The following OTOP1 variants were observed in gnomAD, a reference collection of about 807,000 sequenced individuals.
OTOP1 encodes the protein proton channel OTOP1.
Under a neutral mutation model 52.9 loss-of-function variants are expected in OTOP1, and 59 were observed. The ratio of observed to expected loss-of-function variants is 1.12; its 90% confidence interval spans 0.91 to 1.39. The LOEUF (loss-of-function observed/expected upper bound fraction) is 1.39. OTOP1 is among the 40% of genes most tolerant of loss of function. The pLI, the probability that OTOP1 is intolerant of heterozygous loss-of-function variation, is 0.00. For synonymous variants in OTOP1, 317 were observed against 337.7 expected (o/e 0.94, Z 0.67); for missense variants, 761 against 800.9 (o/e 0.95, Z 0.60).
intron 4 of OTOP1, among the ~76,000 whole-genome samples, chr4:4,198,612 C>T (rs1016416450): frequency 6.6e-6 from 1 of 152,090 alleles, no homozygotes; most frequent in African/African-American, 2.4e-5. Context: ...AGAAAATGCC[C>T]CTTTTAATTA....
chr4:4,219,877 G>C (rs1400126389), intron 1 of OTOP1, among the ~76,000 whole-genome samples: 1 of 142,052 alleles, frequency 7.0e-6, no homozygotes, highest in Non-Finnish European at 1.5e-5. Context: ...ATACATATAT[G>C]TATATATACA....
intron 5 of OTOP1, among the ~76,000 whole-genome samples, chr4:4,191,933 G>A (rs1716517986): frequency 1.3e-5 from 2 of 152,138 alleles, no homozygotes; most frequent in African/African-American, 2.4e-5. Flanking sequence ...AGACAGGGAG[G>A]AAAAATGAGA....
In OTOP1 at chr4:4,198,057, C is replaced by T. The variant is rs776664814; in HGVS notation, c.777G>A (p.Leu259=). The T allele has an allele frequency of 1.1e-5, 17 of 1,613,968 alleles. No homozygotes were observed. Among genetic ancestry groups the T allele is most frequent in the East Asian group, 8.9e-5 (4 of 44,888 alleles). The change falls in exon 5 of 6, where the codon CTG becomes CTA. Residue 259 remains leucine (L), a synonymous_variant. Coordinates refer to ENST00000296358, the MANE Select transcript of OTOP1 (RefSeq NM_177998.3). ...AGATCCCGTGGGAGATGGCAGTGCA[C>T]AGAGTTGGGGGCGTGCAGTTACACT... ...TPQCNCTPPT[L]CTAISHGIYY...
rs566782000 is a variant in OTOP1 at position 4,197,708 on chromosome 4, C to T, written c.1126G>A (p.Glu376Lys). 3.1e-6 allele frequency: 5 copies of T among 1,613,684 alleles called. No individual in the cohort carries two copies. The highest frequency in any genetic ancestry group is 1.7e-4 in the Middle Eastern group (1 of 6,038). Residue 376 changes from glutamate (E) to lysine (K), a missense_variant, in exon 5 of 6, where the codon GAG becomes AAG. Coordinates refer to ENST00000296358, the MANE Select transcript of OTOP1 (RefSeq NM_177998.3). ...TTTTTGGACTCATCCAGTGACTTCT[C>T]GTCTATCCTGTAAATCCGGATTCCA... ...LAGIRIYRID[E>K]KSLDESKNPA...
intron 5 of OTOP1, among the ~76,000 whole-genome samples, chr4:4,195,281 T>C (rs1328308288): frequency 1.3e-5 from 2 of 152,232 alleles, no homozygotes; most frequent in Non-Finnish European, 2.9e-5. Context: ...TCACATATTG[T>C]GTACCTCTGC....
At chr4:4,223,518 A>G (rs988477615) in intron 1 of OTOP1, among the ~76,000 whole-genome samples, 11 of 152,222 alleles carry the variant, frequency 7.2e-5, no homozygotes, top group African/African-American at 2.7e-4. Flanking sequence ...GCACTTCAAC[A>G]TAAGGAAGAG....
At chr4:4,190,846 G>A (rs1338223854) in intron 5 of OTOP1, among the ~76,000 whole-genome samples, 2 of 152,054 alleles carry the variant, frequency 1.3e-5, no homozygotes, top group Non-Finnish European at 2.9e-5. Flanking sequence ...TTCATCCTTT[G>A]CTGTGCCTCT....
chr4:4,207,015 G>A (rs139661307), intron 2 of OTOP1, among the ~76,000 whole-genome samples: 126 of 152,258 alleles, frequency 8.3e-4, no homozygotes, highest in Admixed American at 1.7e-3. Context: ...ACACTGGTAG[G>A]CATTTTATAA....
intron 4 of OTOP1, 118 bp downstream of exon 4, chr4:4,202,330 G>C: frequency 7.1e-7 from 1 of 1,417,016 alleles, no homozygotes; most frequent in Non-Finnish European, 9.8e-7. Context: ...CTGATGCTGA[G>C]TTGGGTGGCC....
chr4:4,198,866 C>T (rs1399623170), intron 4 of OTOP1, among the ~76,000 whole-genome samples: 1 of 152,142 alleles, frequency 6.6e-6, no homozygotes, highest in Non-Finnish European at 1.5e-5. Context: ...TACCCTTCTA[C>T]TCAAAGGGAC....
At chr4:4,208,931 A>T (rs1396432807) in intron 2 of OTOP1, among the ~76,000 whole-genome samples, 1 of 152,230 alleles carries the variant, frequency 6.6e-6, no homozygotes, top group Admixed American at 6.5e-5. Flanking sequence ...TTATTAGAAA[A>T]GAGAAATTTA....
At chr4:4,226,031 T>C (rs1350549289) in intron 1 of OTOP1, among the ~76,000 whole-genome samples, 1 of 152,134 alleles carries the variant, frequency 6.6e-6, no homozygotes, top group Non-Finnish European at 1.5e-5. Context: ...GGTCCTGCGA[T>C]GGGCGAGAAA....
At chr4:4,223,920 G>A (rs1284171514) in intron 1 of OTOP1, among the ~76,000 whole-genome samples, 1 of 150,764 alleles carries the variant, frequency 6.6e-6, no homozygotes, top group African/African-American at 2.4e-5. Context: ...AAACAGCAGG[G>A]GAGAGAGGAA....
At chr4:4,192,736 G>A (rs1716540951) in intron 5 of OTOP1, among the ~76,000 whole-genome samples, 1 of 152,096 alleles carries the variant, frequency 6.6e-6, no homozygotes, top group African/African-American at 2.4e-5. Context: ...CACCCTTCGC[G>A]AGTTGCAACC....
chr4:4,215,784 A>C (rs1450695656), intron 1 of OTOP1, among the ~76,000 whole-genome samples: 2 of 152,086 alleles, frequency 1.3e-5, no homozygotes, highest in African/African-American at 2.4e-5. Context: ...GCTTTTCTAA[A>C]ATAGAAAGTT....
intron 2 of OTOP1, among the ~76,000 whole-genome samples, chr4:4,209,929 C>T (rs1430478541): frequency 6.6e-6 from 1 of 152,180 alleles, no homozygotes; most frequent in African/African-American, 2.4e-5. Flanking sequence ...TGACCCACTA[C>T]ACCTGTGCTC....
intron 2 of OTOP1, among the ~76,000 whole-genome samples, chr4:4,212,263 T>C (rs1717042011): frequency 6.6e-6 from 1 of 152,212 alleles, no homozygotes; most frequent in Non-Finnish European, 1.5e-5. Flanking sequence ...ATTTAAATTA[T>C]ATTTATCAAA....
chr4:4,201,881 A>G (rs1315651987), intron 4 of OTOP1, among the ~76,000 whole-genome samples: 1 of 152,188 alleles, frequency 6.6e-6, no homozygotes, highest in Non-Finnish European at 1.5e-5. Context: ...GAAGTGACAT[A>G]TTGTAAATGC....
intron 1 of OTOP1, among the ~76,000 whole-genome samples, chr4:4,224,024 G>A (rs2108807796): frequency 6.6e-6 from 1 of 150,700 alleles, no homozygotes; most frequent in Non-Finnish European, 1.5e-5. Flanking sequence ...AGATGAAGGA[G>A]GAGAAGAGAG....
Sources: gnomAD v4.1 joint callset for allele counts (sites outside exome capture counted in the v4.1 genomes callset) on GRCh38, gnomAD v4.1.1 for gene constraint, MANE v1.5 for transcripts, NCBI Gene and HGNC (gene_info 2026-07-23, HGNC 2026-07-21) for gene names.